GLG1: variants seen among roughly 807,000 people sequenced by gnomAD.
GLG1 encodes golgi glycoprotein 1.
In GLG1, 38 loss-of-function variants were observed where a neutral mutation model predicts 160.5. The observed-to-expected ratio is 0.24, with a 90% CI of 0.18 to 0.31. The LOEUF (loss-of-function observed/expected upper bound fraction) is 0.31, where lower values mean the gene tolerates loss of function less well. Among genes scored for constraint, GLG1 ranks in the 10% least tolerant of loss-of-function variants. The pLI, the probability that GLG1 is intolerant of heterozygous loss-of-function variation, is 1.00. For missense variants in GLG1, 1,373 were observed against 1,505.2 expected (o/e 0.91, Z 1.45); for synonymous variants, 644 against 543.4 (o/e 1.19, Z -2.57).
At chr16:74,521,279 A>G (rs572536053) in intron 2 of GLG1, among the ~76,000 whole-genome samples, 8 of 152,262 alleles carry the variant, frequency 5.3e-5, no homozygotes, top group African/African-American at 1.9e-4. Context: ...TTAATCAGTG[A>G]GAAAAAAGTT....
chr16:74,530,839 C>T (rs1395953162), intron 2 of GLG1, among the ~76,000 whole-genome samples: 1 of 151,970 alleles, frequency 6.6e-6, no homozygotes, highest in Non-Finnish European at 1.5e-5. Flanking sequence ...CAACAGTGCA[C>T]TCATTTTTTG....
At chr16:74,453,877 A>AC (rs796608212) in intron 25 of GLG1, among the ~76,000 whole-genome samples, 1 of 144,240 alleles carries the variant, frequency 6.9e-6, no homozygotes, top group Non-Finnish European at 1.5e-5. Context: ...TGTAAATTCT[A>AC]TTTTTTTTTT....
chr16:74,512,883 G>C (rs1211423197), intron 2 of GLG1, among the ~76,000 whole-genome samples: 7 of 152,124 alleles, frequency 4.6e-5, no homozygotes, highest in Admixed American at 4.6e-4. Context: ...AGGGAGTCTT[G>C]GTAGCAGTCC....
chr16:74,538,721 T>G (rs1198097927), intron 1 of GLG1, among the ~76,000 whole-genome samples: 1 of 111,714 alleles, frequency 9.0e-6, no homozygotes, highest in Non-Finnish European at 1.8e-5. Context: ...CAACGGGAGA[T>G]TTTGAGATTT....
chr16:74,607,054 GA>G lies in GLG1; in HGVS notation c.40del (p.Ser14ArgfsTer37). 2 of 1,588,068 alleles carry G rather than the reference GA, an allele frequency of 1.3e-6. No homozygotes were observed. Among genetic ancestry groups the G allele is most frequent in the South Asian group, 2.3e-5 (2 of 88,370 alleles). Reference protein sequence around the residue: ...CGRVRRMFRLSAALHLLLLFA... With the variant: ...CGRVRRMFRLXAALHLLLLFA... ...TAGCAGCAGCAGATGCAGCGCCGCC[GA>G]CAAGCGGAACATCCTCCGTACACGT... On this transcript the variant is annotated frameshift_variant, in exon 1 of 26. Transcript: ENST00000422840. LOFTEE classifies it high-confidence loss of function.
intron 21 of GLG1, 39 bp from the exon 22 acceptor site, chr16:74,462,234 A>G (rs1287105669): frequency 9.4e-7 from 1 of 1,068,930 alleles, no homozygotes; most frequent in Admixed American, 2.1e-5. Flanking sequence ...GCTGATCAGA[A>G]AACGAAGCTT....
At chr16:74,463,741 G>C in intron 19 of GLG1, 1 of 424,664 alleles carries the variant, frequency 2.4e-6, no homozygotes, top group Non-Finnish European at 4.3e-6. Flanking sequence ...TTTTGTTGTT[G>C]TTGTTGTTGT....
chr16:74,580,146 A>T (rs1280890622), intron 1 of GLG1, among the ~76,000 whole-genome samples: 1 of 152,010 alleles, frequency 6.6e-6, no homozygotes, highest in Non-Finnish European at 1.5e-5. Flanking sequence ...CACAGGCCTA[A>T]ATCCTAAAGG....
At chr16:74,574,883 C>CAAAAAAAAAAAAAAAAA (rs531720341) in intron 1 of GLG1, among the ~76,000 whole-genome samples, 9 of 24,792 alleles carry the variant, frequency 3.6e-4, no homozygotes, top group East Asian at 3.5e-3. Context: ...GACTCTGTCT[C>CAAAAAAAAAAAAAAAAA]AAAAAAAAAA....
intron 1 of GLG1, among the ~76,000 whole-genome samples, chr16:74,550,712 A>ATCCC (rs1253304013): frequency 2.6e-5 from 4 of 152,170 alleles, no homozygotes; most frequent in Non-Finnish European, 5.9e-5. Flanking sequence ...CAAGAGGGGG[A>ATCCC]CAAGCTTGGC....
At chr16:74,606,619 C>G in intron 1 of GLG1, 38 bp downstream of exon 1, 1 of 1,515,798 alleles carries the variant, frequency 6.6e-7, no homozygotes, top group Non-Finnish European at 8.9e-7. Context: ...CGGGCCCGCA[C>G]CAGGCCTGGC....
chr16:74,560,468 C>T (rs1166620083), intron 1 of GLG1, among the ~76,000 whole-genome samples: 2 of 151,616 alleles, frequency 1.3e-5, no homozygotes, highest in African/African-American at 2.4e-5. Context: ...CGCCCCCCTG[C>T]CCCCGCAGTA....
intron 1 of GLG1, among the ~76,000 whole-genome samples, chr16:74,564,068 G>GT (rs1246322823): frequency 2.6e-5 from 4 of 152,170 alleles, no homozygotes; most frequent in Non-Finnish European, 5.9e-5. Flanking sequence ...CTACCAGCAT[G>GT]TGCCACGAGG....
intron 22 of GLG1, 96 bp from the exon 23 acceptor site, chr16:74,459,885 A>T: frequency 1.6e-6 from 1 of 629,646 alleles, no homozygotes; most frequent in Non-Finnish European, 2.7e-6. Flanking sequence ...AAACAGAGCC[A>T]AGCTCTGTCA....
chr16:74,452,650 G>A lies in GLG1; in HGVS notation c.*517C>T. On this transcript the variant is annotated 3_prime_UTR_variant, in exon 26 of 26. Transcript: ENST00000422840. ...TGGCGAGGCCCCAAGGTGCTTCTGA[G>A]AGATGAACGAGACACCTCAGTCATG... 1 of 997,488 alleles carries A rather than the reference G, an allele frequency of 1.0e-6. No homozygotes were observed. The allele number at this position is 997,488 out of a possible 1,614,324, so 61.8% of individuals were successfully genotyped here.
Position 74,462,646 on chromosome 16 carries a change from G to A in GLG1, c.2792-16C>T. ...AAGCGGTAATCTAGAGTAGAAAGCA[G>A]TGAGCATGTGACAAAACATTCCACC... is the stretch of plus-strand genomic sequence containing the variant. On this transcript the variant is annotated splice_polypyrimidine_tract_variant and intron_variant, in intron 20 of 25. Transcript: ENST00000422840. 3 of 1,613,332 alleles carry A rather than the reference G, an allele frequency of 1.9e-6. No individual in the cohort carries two copies. The highest frequency in any genetic ancestry group is 2.5e-6 in the Non-Finnish European group (3 of 1,179,300).
intron 1 of GLG1, among the ~76,000 whole-genome samples, chr16:74,592,262 C>G (rs1041777484): frequency 1.3e-5 from 2 of 152,198 alleles, no homozygotes; most frequent in Non-Finnish European, 2.9e-5. Context: ...CCTGCCTCAG[C>G]CTCCTGAGTA....
At position 74,491,041 on chromosome 16, in the gene GLG1, C is replaced by T. The variant is rs760881916; in HGVS notation, c.1409G>A (p.Arg470Gln). The T allele has an allele frequency of 3.1e-6, 5 of 1,614,164 alleles. No individual in the cohort carries two copies. The highest frequency in any genetic ancestry group is 2.2e-5 in the South Asian group (2 of 91,080). ...RTLHCLMKVV[R>Q]GEKGNLGMNC... ...CATTCCAAGGTTCCCCTTCTCCCCT[C>T]GAACTACTTTCATCAGACAGTGTAG... is the stretch of plus-strand genomic sequence containing the variant. The change falls in exon 8 of 26, where the codon CGA (arginine) becomes CAA (glutamine). Residue 470 changes from arginine (R) to glutamine (Q), a missense_variant. Physicochemically the swap from Arg to Gln is conservative, Grantham distance 43. Transcript: ENST00000422840.
At chr16:74,457,022 T>C (rs1035648588) in intron 24 of GLG1, among the ~76,000 whole-genome samples, 1 of 152,162 alleles carries the variant, frequency 6.6e-6, no homozygotes, top group Non-Finnish European at 1.5e-5. Context: ...TCCCAGATAC[T>C]TGGGAAGCTG....
Sources: gnomAD v4.1 joint callset for allele counts (sites outside exome capture counted in the v4.1 genomes callset) on GRCh38, gnomAD v4.1.1 for gene constraint, MANE v1.5 for transcripts, NCBI Gene and HGNC (gene_info 2026-07-23, HGNC 2026-07-21) for gene names.